CCPG1: variants seen among roughly 807,000 people sequenced by gnomAD.
CCPG1 encodes the protein cell cycle progression 1, also known as cell cycle progression protein 1.
CCPG1 carries 46 observed loss-of-function variants against 81.3 expected under a neutral mutation model. That is an observed-to-expected ratio of 0.57 (90% CI 0.45 to 0.72). CCPG1 has a LOEUF of 0.72. Among genes scored for constraint, CCPG1 ranks in the 30% least tolerant of loss-of-function variants. The pLI is 0.00. For missense variants in CCPG1, 902 were observed against 937.6 expected, an observed-to-expected ratio of 0.96 and a Z score of 0.50; for synonymous variants, 330 against 305.2, an observed-to-expected ratio of 1.08 and a Z score of -0.85.
At chr15:55,380,863 C>T (rs1015066951) in intron 3 of CCPG1, among the ~76,000 whole-genome samples, 2 of 127,248 alleles carry the variant, frequency 1.6e-5, no homozygotes, top group South Asian at 2.3e-4. Context: ...AATGGCCGGG[C>T]GCGGCGGCTC....
rs183041728 is a variant in CCPG1, at chr15:55,369,174, G to T, written c.706+2619C>A. 1.6e-3 allele frequency among the ~76,000 whole-genome samples: 238 copies of T among 151,348 alleles called. 1 individual carries two copies. Among genetic ancestry groups the T allele is most frequent in the Non-Finnish European group, 2.7e-3 (181 of 67,862 alleles). On this transcript the variant is annotated intron_variant, in intron 6 of 8. Transcript: ENST00000442196. ...GGGATGCAATGACCGACTTTACGGTGAATAGAAAATTCAAAACGGCTCTGA... is the reference window on the plus strand; with the variant it reads ...GGGATGCAATGACCGACTTTACGGTTAATAGAAAATTCAAAACGGCTCTGA...
chr15:55,376,326 A>C (rs772636552), intron 5 of CCPG1, among the ~76,000 whole-genome samples: 12 of 152,234 alleles, frequency 7.9e-5, no homozygotes, highest in Non-Finnish European at 1.6e-4. Flanking sequence ...GAAATCAAGC[A>C]ACTCACACTT....
intron 8 of CCPG1, chr15:55,357,282 T>C (rs1595815773): frequency 1.0e-5 from 10 of 979,576 alleles, no homozygotes; most frequent in Non-Finnish European, 1.2e-5. Flanking sequence ...TGTTACTTTC[T>C]ACTTCTCCTT....
Position 55,363,799 on chromosome 15 carries a change from C to CTTTTTTTTTTTT in CCPG1, c.828+1377_828+1388dup, listed in dbSNP as rs565044184. ...AATAGCTTACTTTTCTTTCCTTTTC[C>CTTTTTTTTTTTT]TTTTTTTTTTTTTTTTTTTTTTTTG... is the stretch of plus-strand genomic sequence containing the variant. On this transcript the variant is annotated intron_variant, in intron 7 of 8. Coordinates refer to ENST00000442196, the MANE Select transcript of CCPG1 (RefSeq NM_001204450.2). Among the ~76,000 whole-genome samples the CTTTTTTTTTTTT allele has an allele frequency of 7.1e-4, 67 of 93,934 alleles. 2 individuals carry two copies. The highest frequency in any genetic ancestry group is 2.6e-3 in the African/African-American group (57 of 22,256). 61.6% of individuals were successfully genotyped at this position (93,934 alleles called of 152,430 possible).
At chr15:55,405,115 C>G (rs974410103) in intron 1 of CCPG1, among the ~76,000 whole-genome samples, 5 of 152,054 alleles carry the variant, frequency 3.3e-5, no homozygotes, top group African/African-American at 7.2e-5. Flanking sequence ...AATCCCAGCA[C>G]TTTAGAAGGC....
chr15:55,364,260 G>A (rs1419242755), intron 7 of CCPG1, among the ~76,000 whole-genome samples: 1 of 150,326 alleles, frequency 6.7e-6, no homozygotes, highest in Non-Finnish European at 1.5e-5. Flanking sequence ...ACGAGATCTA[G>A]GTGAGTTATA....
chr15:55,387,217 G>C (rs2056818169), intron 2 of CCPG1, among the ~76,000 whole-genome samples: 1 of 152,198 alleles, frequency 6.6e-6, no homozygotes, highest in Non-Finnish European at 1.5e-5. Context: ...TGACACACTT[G>C]ACTGAGTGCC....
At chr15:55,389,496 A>G (rs974193593) in intron 1 of CCPG1, 63 bp from the exon 2 acceptor site, 13 of 1,122,852 alleles carry the variant, frequency 1.2e-5, no homozygotes, top group Non-Finnish European at 1.6e-5. Context: ...AGGAAGCACT[A>G]TATGTGACAC....
In CCPG1 at chr15:55,364,141, C is replaced by T. The variant is rs1244843678; in HGVS notation, c.828+1047G>A. ...TTATTTTTCTACCCTGCATTTCTCT[C>T]TACAACCTTCTTAGGAAAAAACTAG... On this transcript the variant is annotated intron_variant, in intron 7 of 8. Transcript: ENST00000442196. 1.3e-5 allele frequency among the ~76,000 whole-genome samples: 2 copies of T among 150,524 alleles called. 1 individual carries two copies. Among genetic ancestry groups the T allele is most frequent in the Non-Finnish European group, 3.0e-5 (2 of 67,448 alleles).
chr15:55,372,288 C>T (rs2056466331), intron 5 of CCPG1: 5 of 532,750 alleles, frequency 9.4e-6, no homozygotes, highest in Non-Finnish European at 1.7e-5. Flanking sequence ...GCTTTGAGAG[C>T]CTATCTCTGT....
At chr15:55,373,629 G>A (rs947368846) in intron 5 of CCPG1, among the ~76,000 whole-genome samples, 6 of 152,030 alleles carry the variant, frequency 3.9e-5, no homozygotes, top group East Asian at 3.9e-4. Flanking sequence ...AGATGCCGTC[G>A]CCTCAGGTGT....
intron 1 of CCPG1, among the ~76,000 whole-genome samples, chr15:55,390,650 T>C (rs1257505438): frequency 4.6e-5 from 7 of 152,076 alleles, no homozygotes; most frequent in Admixed American, 4.6e-4. Context: ...AGACGAGGTT[T>C]CACTCGTTGC....
intron 4 of CCPG1, among the ~76,000 whole-genome samples, chr15:55,378,082 T>A (rs1459411066): frequency 6.6e-6 from 1 of 152,220 alleles, no homozygotes; most frequent in Non-Finnish European, 1.5e-5. Flanking sequence ...GAATGCAATC[T>A]ACTTCCAAAA....
intron 1 of CCPG1, among the ~76,000 whole-genome samples, chr15:55,397,524 G>T (rs2057044575): frequency 6.6e-6 from 1 of 152,140 alleles, no homozygotes; most frequent in Non-Finnish European, 1.5e-5. Flanking sequence ...AGTGAGAAAT[G>T]GACAGATTAT....
At chr15:55,398,445 C>T (rs774559093) in intron 1 of CCPG1, among the ~76,000 whole-genome samples, 6 of 152,142 alleles carry the variant, frequency 3.9e-5, no homozygotes, top group Non-Finnish European at 7.3e-5. Context: ...GCGAGTCAGT[C>T]TGGAGTGCTT....
chr15:55,364,167 A>G (rs1004090829), intron 7 of CCPG1, among the ~76,000 whole-genome samples: 7 of 150,696 alleles, frequency 4.6e-5, no homozygotes, highest in African/African-American at 9.7e-5. Context: ...AAAAAACTAG[A>G]TAAGAGACCA....
rs887576341 is a variant in CCPG1, at chr15:55,397,022, A to C, written c.-9-7589T>G. Reference sequence around the variant, plus strand: ...CGAGACCATCCTGGCTAACACAGTGAAACTCTGTCTCTACAAAAAAACACA... The same window carrying C: ...CGAGACCATCCTGGCTAACACAGTGCAACTCTGTCTCTACAAAAAAACACA... On this transcript the variant is annotated intron_variant, in intron 1 of 8. Transcript: ENST00000442196. 3.6e-4 allele frequency among the ~76,000 whole-genome samples: 54 copies of C among 152,048 alleles called. 1 individual carries two copies. The highest frequency in any genetic ancestry group is 3.2e-3 in the Middle Eastern group (1 of 314).
intron 1 of CCPG1, among the ~76,000 whole-genome samples, chr15:55,402,450 A>G (rs2057145718): frequency 6.6e-6 from 1 of 152,156 alleles, no homozygotes; most frequent in African/African-American, 2.4e-5. Context: ...ACTGGTCTCA[A>G]ACTCCTGACC....
chr15:55,359,691 C>T lies in CCPG1; in HGVS notation c.2082G>A (p.Gln694=). Residue 694 remains glutamine, a synonymous_variant, in exon 8 of 9, where the codon CAG becomes CAA. Transcript: ENST00000442196. ...FFLNGVFIHD[Q]KLFTDFVNDV... is the part of the protein sequence containing the mutation. ...CATTAACAAAGTCAGTGAAGAGCTT[C>T]TGATCATGTATAAAGACACCGTTTA... 1 of 1,613,618 alleles carries T rather than the reference C, an allele frequency of 6.2e-7. No homozygotes were observed.
Sources: gnomAD v4.1 joint callset for allele counts (sites outside exome capture counted in the v4.1 genomes callset) on GRCh38, gnomAD v4.1.1 for gene constraint, MANE v1.5 for transcripts, NCBI Gene and HGNC (gene_info 2026-07-23, HGNC 2026-07-21) for gene names.